The following GSE1 variants were observed in gnomAD, a reference collection of about 807,000 sequenced individuals.
GSE1 encodes the protein Gse1 coiled-coil protein.
GSE1 carries 32 observed loss-of-function variants against 112.6 expected under a neutral mutation model. The ratio of observed to expected loss-of-function variants is 0.28; its 90% CI spans 0.21 to 0.38. The LOEUF (loss-of-function observed/expected upper bound fraction) is 0.38, where lower values mean the gene tolerates loss of function less well. Among genes scored for constraint, GSE1 ranks in the 10% least tolerant of loss-of-function variants. The pLI, the probability that GSE1 is intolerant of heterozygous loss-of-function variation, is 1.00. For missense variants in GSE1, 2,348 were observed against 1,699.2 expected (o/e 1.38, Z -6.71); for synonymous variants, 1,115 against 735.6 (o/e 1.52, Z -8.35).
At chr16:85,613,114 CTG>C, upstream of GSE1, 2 of 1,052,002 alleles carry the variant, frequency 1.9e-6, no homozygotes, top group Non-Finnish European at 2.5e-6. Flanking sequence ...GCGCGCGCGC[CTG>C]TGTGTTTGCG....
chr16:85,202,340 C>G (rs975241982), intron 1 of GSE1, among the ~76,000 whole-genome samples: 2 of 152,264 alleles, frequency 1.3e-5, no homozygotes, highest in African/African-American at 4.8e-5. Context: ...TTGTGCCCCA[C>G]ACGGCCTCCA....
chr16:85,656,756 G>T (rs775614423), intron 7 of GSE1, 91 bp downstream of exon 7: 86 of 1,426,184 alleles, frequency 6.0e-5, no homozygotes, highest in Non-Finnish European at 7.5e-5. Flanking sequence ...TTGCCGTGGT[G>T]TAAATGTTCC....
Position 85,661,283 on chromosome 16 carries a change from A to ATTG in GSE1, c.1778_1779insTTG (p.Asn593_Thr594insCys). The ATTG allele has an allele frequency of 6.2e-7, 1 of 1,612,918 alleles. No individual in the cohort carries two copies. The highest frequency in any genetic ancestry group is 8.5e-7 in the Non-Finnish European group (1 of 1,179,968). ...TGGAACCCCGTGTCCCTGATGGACA[A>ATTG]CACCTTGGAGACGCGGCGGGCCGAA... On this transcript the variant is annotated inframe_insertion, in exon 9 of 16. Transcript: ENST00000253458.
chr16:85,541,342 C>A (rs143602292), intron 2 of GSE1, among the ~76,000 whole-genome samples: 1 of 152,218 alleles, frequency 6.6e-6, no homozygotes, highest in East Asian at 1.9e-4. Context: ...TCCCGAGGGA[C>A]TTTCTCCACT....
chr16:85,586,606 T>A (rs1247205499), intron 1 of GSE1, among the ~76,000 whole-genome samples: 1 of 152,204 alleles, frequency 6.6e-6, no homozygotes, highest in Non-Finnish European at 1.5e-5. Context: ...CAGCTGCTCC[T>A]ACAACGTGCT....
At chr16:85,231,308 C>T (rs558615151) in intron 1 of GSE1, among the ~76,000 whole-genome samples, 27 of 115,442 alleles carry the variant, frequency 2.3e-4, no homozygotes, top group South Asian at 8.7e-4. Flanking sequence ...GATGGATGGA[C>T]GGAAGGACAG....
rs2052061472 is a variant in GSE1, at chr16:85,657,466, AGCGGCGGCT to A, written c.1508_1516del (p.Arg503_Arg505del). 1.2e-6 allele frequency: 2 copies of A among 1,609,610 alleles called. No individual in the cohort carries two copies. The highest frequency in any genetic ancestry group is 1.3e-5 in the African/African-American group (1 of 74,848). On this transcript the variant is annotated inframe_deletion, in exon 8 of 16. Coordinates refer to ENST00000253458, the MANE Select transcript of GSE1 (RefSeq NM_014615.5). ...GAGGAGGAGAAGTGGCTGGCGCGGC[AGCGGCGGCT>A]GCGGCAGGAGAAGGAGGACCGGCAG...
chr16:85,529,768 G>T (rs531002329), intron 2 of GSE1, among the ~76,000 whole-genome samples: 1 of 152,314 alleles, frequency 6.6e-6, no homozygotes, highest in South Asian at 2.1e-4. Flanking sequence ...TCACCGATTA[G>T]ACTGTCTAGC....
intron 2 of GSE1, among the ~76,000 whole-genome samples, chr16:85,417,206 G>A (rs550961630): frequency 6.6e-6 from 1 of 152,166 alleles, no homozygotes; most frequent in Non-Finnish European, 1.5e-5. Context: ...TGGGTGGTGG[G>A]GGCCATCCTG....
chr16:85,174,601 G>A (rs57537630), intron 1 of GSE1, among the ~76,000 whole-genome samples: 153 of 152,356 alleles, frequency 1.0e-3, no homozygotes, highest in African/African-American at 3.4e-3. Flanking sequence ...TCCAGATGCT[G>A]GGGATCTGGT....
intron 2 of GSE1, among the ~76,000 whole-genome samples, chr16:85,644,710 C>A (rs2050712099): frequency 6.6e-6 from 1 of 152,010 alleles, no homozygotes; most frequent in Non-Finnish European, 1.5e-5. Flanking sequence ...CGGAAATGCT[C>A]TGAAATGGAT....
chr16:85,425,038 G>C (rs1304040427), intron 2 of GSE1, among the ~76,000 whole-genome samples: 1 of 152,262 alleles, frequency 6.6e-6, no homozygotes, highest in Non-Finnish European at 1.5e-5. Context: ...CGAGCAGGCT[G>C]GGCTGGACTG....
rs139601810 is a variant in GSE1, at chr16:85,546,181, T to A, written c.2465-87733T>A. Among the ~76,000 whole-genome samples the A allele has an allele frequency of 2.0e-3, 307 of 152,182 alleles. 1 individual carries two copies. The highest frequency in any genetic ancestry group is 7.2e-3 in the African/African-American group (298 of 41,526). On this transcript the variant is annotated intron_variant, in intron 2 of 2. Transcript: ENST00000637419. ...CTCACTGCACCTTCCGCCTCCCGGG[T>A]TCAAGCAATTCTAGTGCCTCAGCCT...
At chr16:85,612,757 C>T (rs2048076726), upstream of GSE1, among the ~76,000 whole-genome samples, 1 of 152,116 alleles carries the variant, frequency 6.6e-6, no homozygotes, top group South Asian at 2.1e-4. Flanking sequence ...CCACCCCACG[C>T]GCCACCAGCG....
chr16:85,466,143 G>T (rs139830244), intron 2 of GSE1, among the ~76,000 whole-genome samples: 1 of 152,194 alleles, frequency 6.6e-6, no homozygotes, highest in Non-Finnish European at 1.5e-5. Flanking sequence ...AGTGGAACAC[G>T]TGGTCAGTGT....
At chr16:85,253,661 T>G (rs1284059867) in intron 1 of GSE1, among the ~76,000 whole-genome samples, 1 of 152,102 alleles carries the variant, frequency 6.6e-6, no homozygotes, top group African/African-American at 2.4e-5. Context: ...AGGAAGGACA[T>G]CCCGCCCAGC....
intron 1 of GSE1, among the ~76,000 whole-genome samples, chr16:85,558,462 C>A (rs1340967751): frequency 6.6e-6 from 1 of 152,158 alleles, no homozygotes; most frequent in Non-Finnish European, 1.5e-5. Flanking sequence ...ATCAGGTGAC[C>A]GATTTTCTGT....
intron 1 of GSE1, among the ~76,000 whole-genome samples, chr16:85,620,718 G>A (rs1221335647): frequency 3.3e-5 from 5 of 152,402 alleles, no homozygotes; most frequent in East Asian, 1.9e-4. Flanking sequence ...TGGGGAACCC[G>A]TTTAGATGGT....
rs7188152 is a variant in GSE1 at position 85,617,613 on chromosome 16, T to C, written c.7+4215T>C. Among the ~76,000 whole-genome samples, 2 of 70,576 alleles carry C rather than the reference T, an allele frequency of 2.8e-5. 1 individual carries two copies. The highest frequency in any genetic ancestry group is 6.1e-5 in the Non-Finnish European group (2 of 32,872). 46.3% of individuals were successfully genotyped at this position (70,576 alleles called of 152,430 possible). On this transcript the variant is annotated intron_variant, in intron 1 of 15. Transcript: ENST00000253458. ...GTCAACCCTCCCCCCCCCCCCCCCG[T>C]TAACTGCCACGTGCAGCCCAAGCTG...
Sources: allele counts gnomAD v4.1 joint callset (sites outside exome capture counted in the v4.1 genomes callset), GRCh38; gene constraint gnomAD v4.1.1; transcripts MANE v1.5; gene names NCBI Gene and HGNC (gene_info 2026-07-23, HGNC 2026-07-21).